Variants in ADGRB3 observed in about 807,000 individuals in gnomAD.
ADGRB3 encodes the protein brain-specific angiogenesis inhibitor 3.
A neutral mutation model predicts 193.4 loss-of-function variants in ADGRB3; 37 were observed. That is an observed-to-expected ratio of 0.19 (90% CI 0.15 to 0.25). ADGRB3 has a LOEUF of 0.25. ADGRB3 is among the 10% of genes least tolerant of loss of function. The probability of loss-of-function intolerance (pLI) is 1.00; values close to 1 mark genes in which losing one functional copy is unlikely to be tolerated. For synonymous variants in ADGRB3, 690 were observed against 644.2 expected, an observed-to-expected ratio of 1.07 and a Z score of -1.08; for missense variants, 1,637 against 1,852.9, an observed-to-expected ratio of 0.88 and a Z score of 2.14.
At chr6:68,825,000 G>A (rs1380340112) in intron 3 of ADGRB3, among the ~76,000 whole-genome samples, 2 of 151,870 alleles carry the variant, frequency 1.3e-5, no homozygotes, top group Non-Finnish European at 2.9e-5. Flanking sequence ...GACTTCAGGT[G>A]CATGCCACCA....
Position 68,885,409 on chromosome 6 carries a change from CAT to C in ADGRB3, c.758-45147_758-45146del, listed in dbSNP as rs367922313. 4.3e-4 allele frequency among the ~76,000 whole-genome samples: 66 copies of C among 152,212 alleles called. 1 individual carries two copies. Among genetic ancestry groups the C allele is most frequent in the African/African-American group, 1.5e-3 (62 of 41,538 alleles). On this transcript the variant is annotated intron_variant, in intron 3 of 31. Coordinates refer to ENST00000370598, the MANE Select transcript of ADGRB3 (RefSeq NM_001704.3). ...TATGGGGTACAATGTGATGTTTTAACATATGTTTACATTTGTGGAATGATTAA... is the reference window on the plus strand; with the variant it reads ...TATGGGGTACAATGTGATGTTTTAACATGTTTACATTTGTGGAATGATTAA...
intron 8 of ADGRB3, among the ~76,000 whole-genome samples, chr6:68,968,936 C>T (rs1187539945): frequency 6.6e-6 from 1 of 152,026 alleles, no homozygotes; most frequent in Non-Finnish European, 1.5e-5. Flanking sequence ...TTGCACTAGC[C>T]ACATTTTCCT....
At chr6:69,077,463 G>A (rs1415003927) in intron 17 of ADGRB3, among the ~76,000 whole-genome samples, 1 of 151,630 alleles carries the variant, frequency 6.6e-6, no homozygotes, top group South Asian at 2.1e-4. Context: ...TTTTTTTACT[G>A]GGTAGAATCT....
chr6:68,860,962 A>C lies in ADGRB3; in HGVS notation c.758-69597A>C, dbSNP rs1371510007. 2.0e-5 allele frequency among the ~76,000 whole-genome samples: 3 copies of C among 152,328 alleles called. No individual in the cohort carries two copies. In the East Asian group the frequency reaches 5.8e-4, roughly 29 times the overall value. On this transcript the variant is annotated intron_variant, in intron 3 of 31. Coordinates refer to ENST00000370598, the MANE Select transcript of ADGRB3 (RefSeq NM_001704.3). The stretch of plus-strand genomic sequence containing the variant: ...TGTTAAAAGTTAGTTACAAAGTGGA[A>C]TATGAAGCCATATTGACACACATTT...
At chr6:69,116,700 T>G (rs1773542500) in intron 17 of ADGRB3, among the ~76,000 whole-genome samples, 1 of 152,206 alleles carries the variant, frequency 6.6e-6, no homozygotes. Context: ...TTCTTTAAAG[T>G]TAACAGTGCT....
intron 24 of ADGRB3, among the ~76,000 whole-genome samples, chr6:69,334,175 T>C (rs1443535621): frequency 6.6e-6 from 1 of 151,958 alleles, no homozygotes; most frequent in Non-Finnish European, 1.5e-5. Flanking sequence ...TTTACAGCTT[T>C]CTCCTTTCCA....
intron 3 of ADGRB3, among the ~76,000 whole-genome samples, chr6:68,832,273 T>A (rs75700702): frequency 0.09 from 13,765 of 152,202 alleles, 828 homozygotes; most frequent in Non-Finnish European, 0.13. Context: ...ATAAATGTGC[T>A]TCTATAAACC....
intron 17 of ADGRB3, among the ~76,000 whole-genome samples, chr6:69,204,882 CT>C (rs1765503396): frequency 6.6e-6 from 1 of 152,008 alleles, no homozygotes; most frequent in African/African-American, 2.4e-5. Flanking sequence ...TTAAGTGGCA[CT>C]TAAAAGTAGA....
intron 3 of ADGRB3, among the ~76,000 whole-genome samples, chr6:68,714,546 G>T (rs1463337773): frequency 6.6e-6 from 1 of 151,738 alleles, no homozygotes; most frequent in Admixed American, 6.6e-5. Flanking sequence ...CAAAACATTG[G>T]TGTATTGAAA....
intron 13 of ADGRB3, among the ~76,000 whole-genome samples, chr6:69,031,872 A>T (rs753982404): frequency 1.4e-4 from 21 of 151,790 alleles, no homozygotes; most frequent in Non-Finnish European, 2.5e-4. Flanking sequence ...GACTCAAGAG[A>T]TCTCCCACCT....
chr6:68,754,480 T>C (rs984241881), intron 3 of ADGRB3, among the ~76,000 whole-genome samples: 1 of 152,220 alleles, frequency 6.6e-6, no homozygotes, highest in African/African-American at 2.4e-5. Context: ...GATTGTTTCC[T>C]CTATGCTGGT....
chr6:69,262,968 T>A (rs182747899), intron 20 of ADGRB3, among the ~76,000 whole-genome samples: 1 of 152,086 alleles, frequency 6.6e-6, no homozygotes, highest in East Asian at 1.9e-4. Context: ...TAAAAATAGA[T>A]GTTGCATTTC....
chr6:69,071,174 G>T (rs1362068799), intron 16 of ADGRB3, among the ~76,000 whole-genome samples: 2 of 152,162 alleles, frequency 1.3e-5, no homozygotes, highest in African/African-American at 4.8e-5. Context: ...TCATCTGCCT[G>T]CTCTCTCTTC....
intron 20 of ADGRB3, among the ~76,000 whole-genome samples, chr6:69,273,254 T>A (rs1206209656): frequency 6.6e-6 from 1 of 152,164 alleles, no homozygotes; most frequent in Non-Finnish European, 1.5e-5. Flanking sequence ...GAGTGTTAGT[T>A]CTAGTAGGGT....
chr6:69,272,362 G>A (rs1767198925), intron 20 of ADGRB3, among the ~76,000 whole-genome samples: 1 of 152,188 alleles, frequency 6.6e-6, no homozygotes, highest in Non-Finnish European at 1.5e-5. Context: ...TCCAGCTCAA[G>A]AGAGAAGGAA....
chr6:69,266,690 T>G (rs961163444), intron 20 of ADGRB3, among the ~76,000 whole-genome samples: 4 of 152,010 alleles, frequency 2.6e-5, no homozygotes, highest in African/African-American at 4.8e-5. Context: ...ACAAATATAT[T>G]GATTATATAT....
chr6:68,849,803 A>G (rs1768360263), intron 3 of ADGRB3, among the ~76,000 whole-genome samples: 1 of 151,918 alleles, frequency 6.6e-6, no homozygotes, highest in Non-Finnish European at 1.5e-5. Context: ...TAATAGGGGA[A>G]CCATAGTATA....
At chr6:69,052,808 A>G (rs1409444004) in intron 15 of ADGRB3, among the ~76,000 whole-genome samples, 4 of 152,210 alleles carry the variant, frequency 2.6e-5, no homozygotes, top group Non-Finnish European at 4.4e-5. Flanking sequence ...ACTGAAGGAA[A>G]TATGCTTCAG....
chr6:68,929,191 G>A (rs1767268938), intron 3 of ADGRB3, among the ~76,000 whole-genome samples: 3 of 152,182 alleles, frequency 2.0e-5, no homozygotes, highest in South Asian at 2.1e-4. Flanking sequence ...GGATATTGCC[G>A]AATTCTAAGC....
Sources: gnomAD v4.1 joint callset for allele counts (sites outside exome capture counted in the v4.1 genomes callset) on GRCh38, gnomAD v4.1.1 for gene constraint, MANE v1.5 for transcripts, NCBI Gene and HGNC (gene_info 2026-07-23, HGNC 2026-07-21) for gene names.